The following LRRTM4 variants were observed in gnomAD, a reference collection of about 807,000 sequenced individuals.
The protein encoded by LRRTM4 is leucine-rich repeat transmembrane neuronal protein 4.
In LRRTM4, 25 loss-of-function variants were observed where a neutral mutation model predicts 47.6. The observed-to-expected ratio is 0.53, with a 90% CI of 0.38 to 0.73. The LOEUF (loss-of-function observed/expected upper bound fraction) is 0.73, where lower values mean the gene tolerates loss of function less well. LRRTM4 is among the 30% of genes least tolerant of loss of function. The probability of loss-of-function intolerance (pLI) is 0.00; values close to 1 mark genes in which losing one functional copy is unlikely to be tolerated. For synonymous variants in LRRTM4, 311 were observed against 269.5 expected, an observed-to-expected ratio of 1.15 and a Z score of -1.51; for missense variants, 638 against 713.4, an observed-to-expected ratio of 0.89 and a Z score of 1.20.
intron 3 of LRRTM4, among the ~76,000 whole-genome samples, chr2:77,508,869 A>G (rs1044512527): frequency 4.6e-5 from 7 of 152,148 alleles, no homozygotes; most frequent in Non-Finnish European, 4.4e-5. Flanking sequence ...ATTCAAAAGG[A>G]ATATTTAATG....
chr2:77,198,023 CAGTT>C (rs1673877011), intron 3 of LRRTM4, among the ~76,000 whole-genome samples: 1 of 152,126 alleles, frequency 6.6e-6, no homozygotes, highest in African/African-American at 2.4e-5. Flanking sequence ...ATATGAATAT[CAGTT>C]AGGCTAGACT....
At position 77,453,176 on chromosome 2, in the gene LRRTM4, ATTT is replaced by A. The variant is rs1162461607; in HGVS notation, c.1551+65139_1551+65141del. ...TTTTGATTTTATCTGTTTCTTCTTG[ATTT>A]TTTTTTTTTTTTTTTTTTTTGAGAT... On this transcript the variant is annotated intron_variant, in intron 3 of 3. Transcript: ENST00000409884. Among the ~76,000 whole-genome samples, 951 of 99,450 alleles carry A rather than the reference ATTT, an allele frequency of 9.6e-3. 3 individuals carry two copies. The highest frequency in any genetic ancestry group is 0.035 in the African/African-American group (910 of 25,982). The allele number at this position is 99,450 out of a possible 152,430, so 65.2% of individuals were successfully genotyped here. A position where few individuals can be genotyped will look rare whatever the true frequency, so the allele number is the denominator to read the frequency against.
intron 3 of LRRTM4, among the ~76,000 whole-genome samples, chr2:77,013,141 A>T (rs1677934793): frequency 2.0e-5 from 3 of 152,004 alleles, no homozygotes; most frequent in African/African-American, 7.2e-5. Context: ...TCATTACACA[A>T]AGATCTTCAA....
At chr2:77,114,680 CAAAG>C (rs2103942739) in intron 3 of LRRTM4, among the ~76,000 whole-genome samples, 1 of 152,116 alleles carries the variant, frequency 6.6e-6, no homozygotes, top group South Asian at 2.1e-4. Flanking sequence ...AGAAAGAGTA[CAAAG>C]AGAGAAATTT....
intron 3 of LRRTM4, among the ~76,000 whole-genome samples, chr2:77,507,636 A>T (rs993129824): frequency 2.0e-5 from 3 of 152,122 alleles, no homozygotes; most frequent in Non-Finnish European, 4.4e-5. Flanking sequence ...CTCAGAAATT[A>T]AAAAAAGGAA....
At chr2:77,000,449 G>A (rs1313742494) in intron 3 of LRRTM4, among the ~76,000 whole-genome samples, 1 of 152,158 alleles carries the variant, frequency 6.6e-6, no homozygotes, top group Non-Finnish European at 1.5e-5. Context: ...CATTGCTTAT[G>A]CCCTTGGTCT....
intron 3 of LRRTM4, among the ~76,000 whole-genome samples, chr2:76,890,763 G>A (rs1046043823): frequency 2.0e-4 from 30 of 151,962 alleles, no homozygotes; most frequent in African/African-American, 7.2e-4. Context: ...CATAATAGGT[G>A]GAAAGAGAAT....
At chr2:77,322,754 A>T (rs1677831666) in intron 3 of LRRTM4, among the ~76,000 whole-genome samples, 1 of 149,746 alleles carries the variant, frequency 6.7e-6, no homozygotes, top group Non-Finnish European at 1.5e-5. Flanking sequence ...AACTTTAAAA[A>T]TCTATTTGAT....
At chr2:76,967,806 T>C (rs1676078177) in intron 3 of LRRTM4, among the ~76,000 whole-genome samples, 1 of 150,520 alleles carries the variant, frequency 6.6e-6, no homozygotes, top group African/African-American at 2.5e-5. Context: ...AATTATTATT[T>C]TGCTTTGCTT....
intron 3 of LRRTM4, among the ~76,000 whole-genome samples, chr2:77,417,300 G>A (rs1166316593): frequency 6.6e-6 from 1 of 151,926 alleles, no homozygotes; most frequent in African/African-American, 2.4e-5. Flanking sequence ...GGTGGGACTG[G>A]AAACTAGTTC....
intron 3 of LRRTM4, among the ~76,000 whole-genome samples, chr2:77,113,926 C>T (rs1046029612): frequency 2.0e-5 from 3 of 151,996 alleles, no homozygotes; most frequent in Admixed American, 2.0e-4. Flanking sequence ...TTCGGGGCCG[C>T]GGAAGCTGCA....
intron 3 of LRRTM4, among the ~76,000 whole-genome samples, chr2:77,423,611 A>G (rs1427958637): frequency 2.6e-5 from 4 of 152,162 alleles, no homozygotes; most frequent in Admixed American, 6.5e-5. Flanking sequence ...CTGAAGCACC[A>G]TATCTGAGGG....
At chr2:77,490,253 A>AC (rs1553450695) in intron 3 of LRRTM4, among the ~76,000 whole-genome samples, 11 of 152,206 alleles carry the variant, frequency 7.2e-5, no homozygotes, top group Non-Finnish European at 1.2e-4. Flanking sequence ...CTGTCTCAAA[A>AC]AAAACAAAAC....
At chr2:77,287,293 A>C (rs1676692748) in intron 3 of LRRTM4, among the ~76,000 whole-genome samples, 1 of 152,112 alleles carries the variant, frequency 6.6e-6, no homozygotes, top group Non-Finnish European at 1.5e-5. Context: ...GGAGCAAGGC[A>C]TGGGGAAAAA....
Position 76,994,865 on chromosome 2 carries a change from T to G in LRRTM4, c.1552-245949A>C, listed in dbSNP as rs116759124. Among the ~76,000 whole-genome samples the G allele has an allele frequency of 6.1e-3, 930 of 152,080 alleles. 10 individuals are homozygous for G. Among genetic ancestry groups the G allele is most frequent in the African/African-American group, 0.022 (896 of 41,530 alleles). ...AACAATAATGCACACAAAGTTTTAT[T>G]TAAAAAAAGCTAGGGAACTCTATTT... is the stretch of plus-strand genomic sequence containing the variant. On this transcript the variant is annotated intron_variant, in intron 3 of 3. Coordinates refer to ENST00000409884, the MANE Select transcript of LRRTM4 (RefSeq NM_001134745.3).
intron 3 of LRRTM4, among the ~76,000 whole-genome samples, chr2:77,088,866 T>A (rs914027969): frequency 2.0e-5 from 3 of 151,960 alleles, no homozygotes; most frequent in African/African-American, 4.8e-5. Flanking sequence ...TCCCTCACTA[T>A]CCCTCAATCT....
In LRRTM4 at chr2:76,912,058, C is replaced by T. The variant is rs570067245; in HGVS notation, c.1552-163142G>A. Among the ~76,000 whole-genome samples the T allele has an allele frequency of 4.0e-5, 6 of 151,382 alleles. No homozygotes were observed. In the South Asian group the frequency reaches 1.3e-3, roughly 32 times the overall value. On this transcript the variant is annotated intron_variant, in intron 3 of 3. Coordinates refer to ENST00000409884, the MANE Select transcript of LRRTM4 (RefSeq NM_001134745.3). ...ATTCTCCTGCCCCGAGTAGCTGCAA[C>T]TATAGGCGCCCGCCACCATGCCCGG...
At chr2:77,021,301 G>A (rs990449556) in intron 3 of LRRTM4, among the ~76,000 whole-genome samples, 2 of 152,094 alleles carry the variant, frequency 1.3e-5, no homozygotes, top group Non-Finnish European at 2.9e-5. Context: ...TGCAGAGAGA[G>A]TATGACCATA....
intron 3 of LRRTM4, among the ~76,000 whole-genome samples, chr2:77,243,615 T>A (rs1406267683): frequency 6.6e-6 from 1 of 150,758 alleles, no homozygotes; most frequent in Non-Finnish European, 1.5e-5. Flanking sequence ...AGATAGTTGG[T>A]AGAGATGGTT....
Sources: gnomAD v4.1 joint callset for allele counts (sites outside exome capture counted in the v4.1 genomes callset) on GRCh38, gnomAD v4.1.1 for gene constraint, MANE v1.5 for transcripts, NCBI Gene and HGNC (gene_info 2026-07-23, HGNC 2026-07-21) for gene names.